DNAJC3: variants seen among roughly 807,000 people sequenced by gnomAD.
DNAJC3 encodes DnaJ heat shock protein family (Hsp40) member C3, also known as dnaJ homolog subfamily C member 3.
In DNAJC3, 38 loss-of-function variants were observed where a neutral mutation model predicts 68.6. The observed-to-expected ratio is 0.55, with a 90% CI of 0.43 to 0.73. DNAJC3 has a LOEUF of 0.73. Among genes scored for constraint, DNAJC3 ranks in the 30% least tolerant of loss-of-function variants. The pLI, the probability that DNAJC3 is intolerant of heterozygous loss-of-function variation, is 0.00. For synonymous variants in DNAJC3, 203 were observed against 204.0 expected, an observed-to-expected ratio of 1.00 and a Z score of 0.04; for missense variants, 526 against 591.9, an observed-to-expected ratio of 0.89 and a Z score of 1.16.
At chr13:95,678,462 C>T (rs945400747) in intron 1 of DNAJC3, among the ~76,000 whole-genome samples, 1 of 151,968 alleles carries the variant, frequency 6.6e-6, no homozygotes, top group East Asian at 1.9e-4. Flanking sequence ...TTTTTTGAAC[C>T]CCAAATCAGA....
chr13:95,753,406 A>G (rs1283505132), intron 4 of DNAJC3, among the ~76,000 whole-genome samples: 2 of 152,178 alleles, frequency 1.3e-5, no homozygotes, highest in Admixed American at 6.5e-5. Flanking sequence ...GAATATGTGA[A>G]GGCAAATTCT....
rs553181469 is a variant in DNAJC3 at position 95,726,187 on chromosome 13, C to A, written c.393+935C>A. On this transcript the variant is annotated intron_variant, in intron 4 of 11. Transcript: ENST00000602402. ...TGATTTATAATCCTTTGGGTATATACCCAGTAATGGGATGGTTGGGTCAAA... is the reference window on the plus strand; with the variant it reads ...TGATTTATAATCCTTTGGGTATATAACCAGTAATGGGATGGTTGGGTCAAA... 3.3e-5 allele frequency among the ~76,000 whole-genome samples: 5 copies of A among 152,110 alleles called. No individual in the cohort carries two copies. In the East Asian group the frequency reaches 9.7e-4, roughly 29 times the overall value.
intron 9 of DNAJC3, among the ~76,000 whole-genome samples, chr13:95,764,747 A>ATG (rs1297596937): frequency 2.3e-5 from 3 of 131,582 alleles, no homozygotes; most frequent in African/African-American, 5.7e-5. Flanking sequence ...TATATAATAC[A>ATG]TGTATATATA....
chr13:95,780,684 A>T (rs1202228386), intron 9 of DNAJC3, among the ~76,000 whole-genome samples: 2 of 152,032 alleles, frequency 1.3e-5, no homozygotes, highest in Non-Finnish European at 2.9e-5. Context: ...GCAGCAGGAG[A>T]ATGTTGGTGT....
At chr13:95,708,522 C>A (rs1414278226) in intron 1 of DNAJC3, among the ~76,000 whole-genome samples, 4 of 152,218 alleles carry the variant, frequency 2.6e-5, no homozygotes, top group Non-Finnish European at 5.9e-5. Flanking sequence ...AGGACCCTTG[C>A]TGGTCCCTCT....
Position 95,757,765 on chromosome 13 carries a change from C to T in DNAJC3, c.515C>T (p.Ala172Val). 1 of 1,551,988 alleles carries T rather than the reference C, an allele frequency of 6.4e-7. No individual in the cohort carries two copies. Among genetic ancestry groups the T allele is most frequent in the African/African-American group, 1.3e-5 (1 of 74,256 alleles). The part of the protein sequence containing the change: ...LNAFGSGDYT[A>V]AIAFLDKILE... ...GCTTTTGGAAGTGGAGATTATACTGCTGCTATAGCCTTCCTTGATAAGATT... is the reference window on the plus strand; with the variant it reads ...GCTTTTGGAAGTGGAGATTATACTGTTGCTATAGCCTTCCTTGATAAGATT... The change falls in exon 5 of 12, where the codon GCT becomes GTT. Residue 172 changes from alanine (A) to valine (V), a missense_variant. Coordinates refer to ENST00000602402, the MANE Select transcript of DNAJC3 (RefSeq NM_006260.5).
At chr13:95,702,091 A>G (rs933925501) in intron 1 of DNAJC3, among the ~76,000 whole-genome samples, 5 of 152,232 alleles carry the variant, frequency 3.3e-5, no homozygotes, top group African/African-American at 9.6e-5. Flanking sequence ...TTTAACAGGC[A>G]TATAACCAAC....
chr13:95,783,138 C>CT (rs1349461205), intron 9 of DNAJC3, among the ~76,000 whole-genome samples: 2 of 151,996 alleles, frequency 1.3e-5, no homozygotes, highest in African/African-American at 4.8e-5. Context: ...TAGATGCTCT[C>CT]TTAGAGTGTG....
chr13:95,685,798 T>G lies in DNAJC3; in HGVS notation c.82+8461T>G, dbSNP rs77686969. ...CTTCACCTCCATGCTAACATCTATT[T>G]TTTTTTAAGCTTTTTAGTAATAGCC... On this transcript the variant is annotated intron_variant, in intron 1 of 11. Transcript: ENST00000602402. Among the ~76,000 whole-genome samples, 294 of 152,086 alleles carry G rather than the reference T, an allele frequency of 1.9e-3. 1 individual carries two copies. Among genetic ancestry groups the G allele is most frequent in the African/African-American group, 6.9e-3 (286 of 41,456 alleles).
chr13:95,752,671 A>T (rs1377427466), intron 4 of DNAJC3, among the ~76,000 whole-genome samples: 1 of 152,148 alleles, frequency 6.6e-6, no homozygotes, highest in Non-Finnish European at 1.5e-5. Flanking sequence ...TGTTATAATA[A>T]AATGCATTGG....
chr13:95,779,030 T>A (rs1469852129), intron 9 of DNAJC3, among the ~76,000 whole-genome samples: 1 of 152,158 alleles, frequency 6.6e-6, no homozygotes, highest in Admixed American at 6.5e-5. Flanking sequence ...CCCTATTTTA[T>A]GATTTGTATA....
intron 9 of DNAJC3, among the ~76,000 whole-genome samples, chr13:95,775,229 G>A (rs1254828348): frequency 6.6e-6 from 1 of 152,144 alleles, no homozygotes; most frequent in African/African-American, 2.4e-5. Flanking sequence ...GCACTTGACT[G>A]TAACGACGTT....
At chr13:95,771,230 G>A (rs1053001129) in intron 9 of DNAJC3, among the ~76,000 whole-genome samples, 2 of 152,186 alleles carry the variant, frequency 1.3e-5, no homozygotes, top group South Asian at 2.1e-4. Context: ...TTTTAGATAC[G>A]GTAAAATGCA....
chr13:95,692,212 AT>A (rs748465135), intron 1 of DNAJC3, among the ~76,000 whole-genome samples: 15 of 152,178 alleles, frequency 9.9e-5, no homozygotes, highest in Non-Finnish European at 1.6e-4. Context: ...GATTTTAAGA[AT>A]GTTCCACACA....
chr13:95,765,558 A>G (rs1482495978), intron 9 of DNAJC3, among the ~76,000 whole-genome samples: 1 of 150,818 alleles, frequency 6.6e-6, no homozygotes, highest in East Asian at 1.9e-4. Flanking sequence ...AATTTAATAT[A>G]ATTGATCTGT....
chr13:95,728,997 TCTCTAA>T (rs1011677830), intron 4 of DNAJC3, among the ~76,000 whole-genome samples: 18 of 152,096 alleles, frequency 1.2e-4, no homozygotes, highest in African/African-American at 4.1e-4. Context: ...GTCATCCTAC[TCTCTAA>T]CTCTGTGAGA....
intron 4 of DNAJC3, among the ~76,000 whole-genome samples, chr13:95,732,828 T>C (rs1448024060): frequency 6.6e-6 from 1 of 152,126 alleles, no homozygotes; most frequent in Non-Finnish European, 1.5e-5. Flanking sequence ...TTAGCACTGC[T>C]TTGGCTGTAT....
At chr13:95,743,034 C>CT (rs1882196470) in intron 4 of DNAJC3, 1 of 364,780 alleles carries the variant, frequency 2.7e-6, no homozygotes. Flanking sequence ...TTTGAAAAGA[C>CT]TTTGTTTCTT....
At chr13:95,776,618 C>T (rs1470508508) in intron 9 of DNAJC3, among the ~76,000 whole-genome samples, 2 of 152,136 alleles carry the variant, frequency 1.3e-5, no homozygotes, top group Admixed American at 6.6e-5. Flanking sequence ...TGTATACGCT[C>T]CTGATATTTA....
Sources: allele counts gnomAD v4.1 joint callset (sites outside exome capture counted in the v4.1 genomes callset), GRCh38; gene constraint gnomAD v4.1.1; transcripts MANE v1.5; gene names NCBI Gene and HGNC (gene_info 2026-07-23, HGNC 2026-07-21).